Variants in LHPP observed in about 807,000 individuals in gnomAD.
The protein encoded by LHPP is phospholysine phosphohistidine inorganic pyrophosphate phosphatase.
LHPP carries 24 observed loss-of-function variants against 30.3 expected under a neutral mutation model. That is an observed-to-expected ratio of 0.79 (90% CI 0.57 to 1.11). The LOEUF is 1.11. Ranked by LOEUF, LHPP falls within the 50% of genes most tolerant of loss-of-function variation. The pLI, the probability that LHPP is intolerant of heterozygous loss-of-function variation, is 0.00. For missense variants in LHPP, 356 were observed against 367.2 expected, an observed-to-expected ratio of 0.97 and a Z score of 0.25; for synonymous variants, 150 against 157.1, an observed-to-expected ratio of 0.95 and a Z score of 0.34.
rs150791208 is a variant in LHPP at position 124,597,995 on chromosome 10, C to T, written c.717-15269C>T. Among the ~76,000 whole-genome samples the T allele has an allele frequency of 6.4e-3, 972 of 152,340 alleles. 10 individuals carry two copies. The highest frequency in any genetic ancestry group is 0.022 in the African/African-American group (896 of 41,578). ...GCCGGCCACCTGCTAGCCCAGGCCCCGGCTCCTGGTGGGCCCTGGACCAGG... is the reference window on the plus strand; with the variant it reads ...GCCGGCCACCTGCTAGCCCAGGCCCTGGCTCCTGGTGGGCCCTGGACCAGG... On this transcript the variant is annotated intron_variant, in intron 6 of 6. Transcript: ENST00000368842.
intron 1 of LHPP, among the ~76,000 whole-genome samples, chr10:124,476,335 G>A (rs1952944386): frequency 6.6e-6 from 1 of 152,210 alleles, no homozygotes; most frequent in African/African-American, 2.4e-5. Context: ...CAGCTGGAAG[G>A]AGGAGCAAGT....
At chr10:124,520,249 C>T in intron 6 of LHPP, among the ~76,000 whole-genome samples, 1 of 152,064 alleles carries the variant, frequency 6.6e-6, no homozygotes, top group Middle Eastern at 3.4e-3. Flanking sequence ...GATATTAAAC[C>T]TAGTACCCAT....
intron 6 of LHPP, among the ~76,000 whole-genome samples, chr10:124,525,147 A>C (rs144036234): frequency 6.6e-6 from 1 of 152,144 alleles, no homozygotes; most frequent in African/African-American, 2.4e-5. Flanking sequence ...CCTTTATCCA[A>C]GTGGAATCGC....
At chr10:124,492,030 A>T (rs1274480086) in intron 3 of LHPP, among the ~76,000 whole-genome samples, 3 of 152,228 alleles carry the variant, frequency 2.0e-5, no homozygotes, top group Non-Finnish European at 4.4e-5. Context: ...GAATCAGAAG[A>T]TCTGACAATA....
At chr10:124,526,373 T>C (rs1200635533) in intron 6 of LHPP, 1 of 287,704 alleles carries the variant, frequency 3.5e-6, no homozygotes, top group Admixed American at 6.5e-5. Context: ...CCCTACCATT[T>C]AGATTTGCAA....
rs955578143 is a variant in LHPP at position 124,504,329 on chromosome 10, C to T, written c.624+6201C>T. Among the ~76,000 whole-genome samples the T allele has an allele frequency of 8.6e-5, 13 of 151,234 alleles. 1 individual carries two copies. The highest frequency in any genetic ancestry group is 8.4e-4 in the South Asian group (4 of 4,772). ...AGACCTGGCCAGGTGCCATGGCTCA[C>T]GCCTGAAATCCCAGCACTTTGGGAG... On this transcript the variant is annotated intron_variant, in intron 5 of 6. Coordinates refer to ENST00000368842, the MANE Select transcript of LHPP (RefSeq NM_022126.4).
chr10:124,569,469 A>G (rs1344027142), intron 6 of LHPP, among the ~76,000 whole-genome samples: 1 of 152,048 alleles, frequency 6.6e-6, no homozygotes, highest in Non-Finnish European at 1.5e-5. Flanking sequence ...TGTCGCGGAA[A>G]GTCTGAGGGC....
chr10:124,489,520 TCTCGG>T (rs1953450454), intron 3 of LHPP, among the ~76,000 whole-genome samples: 1 of 152,186 alleles, frequency 6.6e-6, no homozygotes, highest in Non-Finnish European at 1.5e-5. Context: ...AGCGGCGTGA[TCTCGG>T]CTCGCTGCAA....
chr10:124,548,869 G>C (rs548105521), intron 6 of LHPP, among the ~76,000 whole-genome samples: 1 of 152,346 alleles, frequency 6.6e-6, no homozygotes, highest in African/African-American at 2.4e-5. Context: ...TCTTTCTGCT[G>C]TGGCCTTCTC....
intron 6 of LHPP, among the ~76,000 whole-genome samples, chr10:124,528,331 C>G (rs976880943): frequency 6.6e-6 from 1 of 152,158 alleles, no homozygotes; most frequent in Non-Finnish European, 1.5e-5. Context: ...TAGACTTGAC[C>G]TTCCCCACTG....
intron 5 of LHPP, among the ~76,000 whole-genome samples, chr10:124,512,714 G>C (rs1257800960): frequency 6.6e-6 from 1 of 151,482 alleles, no homozygotes; most frequent in African/African-American, 2.4e-5. Context: ...CGCCACACCT[G>C]TTATACCCAT....
At chr10:124,509,753 A>G (rs1270228898) in intron 5 of LHPP, among the ~76,000 whole-genome samples, 1 of 151,770 alleles carries the variant, frequency 6.6e-6, no homozygotes, top group African/African-American at 2.4e-5. Context: ...CCTGGGGGAT[A>G]TGTGCACCCC....
chr10:124,597,243 G>A (rs567921519), intron 6 of LHPP, among the ~76,000 whole-genome samples: 2 of 152,272 alleles, frequency 1.3e-5, no homozygotes, highest in South Asian at 4.1e-4. Context: ...CCTAGTGATC[G>A]TGTGAGCCAG....
At chr10:124,570,835 T>C (rs1451801531) in intron 6 of LHPP, among the ~76,000 whole-genome samples, 1 of 152,266 alleles carries the variant, frequency 6.6e-6, no homozygotes, top group Non-Finnish European at 1.5e-5. Flanking sequence ...TATTCCACTA[T>C]GTGGATAGGC....
intron 1 of LHPP, among the ~76,000 whole-genome samples, chr10:124,474,163 A>G (rs1387148673): frequency 8.9e-6 from 1 of 112,030 alleles, no homozygotes; most frequent in African/African-American, 3.4e-5. Context: ...TTTTTGAGAC[A>G]GGGTCTCACT....
At position 124,533,144 on chromosome 10, in the gene LHPP, G is replaced by T. The variant is rs186895647; in HGVS notation, c.716+15873G>T. ...AATGCTGGGTGCATCACGGCCTGGG[G>T]TTGTCAGCCTGGCCTCTGCAGGCAT... On this transcript the variant is annotated intron_variant, in intron 6 of 6. Transcript: ENST00000368842. 2.0e-5 allele frequency among the ~76,000 whole-genome samples: 3 copies of T among 152,202 alleles called. No individual in the cohort carries two copies. In the South Asian group the frequency reaches 6.2e-4, roughly 31 times the overall value.
intron 1 of LHPP, among the ~76,000 whole-genome samples, chr10:124,467,216 G>T (rs184354543): frequency 2.0e-5 from 3 of 152,084 alleles, no homozygotes; most frequent in Non-Finnish European, 4.4e-5. Context: ...GAGGTGGGGG[G>T]GCTTGGACTG....
At position 124,592,553 on chromosome 10, in the gene LHPP, A is replaced by C. The variant is rs1341374727; in HGVS notation, c.717-20711A>C. Among the ~76,000 whole-genome samples the C allele has an allele frequency of 1.3e-5, 2 of 152,112 alleles. No homozygotes were observed. Among genetic ancestry groups the C allele is most frequent in the Non-Finnish European group, 2.9e-5 (2 of 67,998 alleles). Reference sequence around the variant, plus strand: ...GTTCCCGATTTCCCTTCCAGTCCTCAGTTTCCCCTTCTCTCCGGCACCCTC... The same window carrying C: ...GTTCCCGATTTCCCTTCCAGTCCTCCGTTTCCCCTTCTCTCCGGCACCCTC... On this transcript the variant is annotated intron_variant, in intron 6 of 6. Transcript: ENST00000368842. This position sits in a 1 kb window ranked among gnomAD's most constrained non-coding sequence, Gnocchi z 6.2.
intron 1 of LHPP, among the ~76,000 whole-genome samples, chr10:124,476,641 C>T (rs892712918): frequency 2.0e-5 from 3 of 152,182 alleles, no homozygotes; most frequent in African/African-American, 7.2e-5. Flanking sequence ...TGGTGCAGGG[C>T]ACGGGGTGGG....
Sources: allele counts gnomAD v4.1 joint callset (sites outside exome capture counted in the v4.1 genomes callset), GRCh38; gene constraint gnomAD v4.1.1; non-coding constraint Gnocchi (gnomAD v3.1); transcripts MANE v1.5; gene names NCBI Gene and HGNC (gene_info 2026-07-23, HGNC 2026-07-21).